Variants in KMT5A observed in about 807,000 individuals in gnomAD.
KMT5A encodes the protein N-lysine methyltransferase KMT5A.
KMT5A carries 6 observed loss-of-function variants against 40.6 expected under a neutral mutation model. The ratio of observed to expected loss-of-function variants is 0.15; its 90% CI spans 0.08 to 0.29. The LOEUF is 0.29. KMT5A is among the 10% of genes least tolerant of loss of function. KMT5A has a pLI of 1.00. For synonymous variants in KMT5A, 153 were observed against 178.8 expected, an observed-to-expected ratio of 0.86 and a Z score of 1.15; for missense variants, 308 against 459.1, an observed-to-expected ratio of 0.67 and a Z score of 3.01.
chr12:123,384,708 CCT>C lies in KMT5A; in HGVS notation c.10+501_10+502del, dbSNP rs1418389181. On this transcript the variant is annotated intron_variant, in intron 1 of 7. Coordinates refer to ENST00000402868, the MANE Select transcript of KMT5A (RefSeq NM_020382.7). This position sits in a 1 kb window ranked among gnomAD's most constrained non-coding sequence, Gnocchi z 5.7. ...AGGCGCCTTTCCTCCCTCCCCACGT[CCT>C]GAGTCAGCTCTGCGCCGCTGGAGCG... Among the ~76,000 whole-genome samples, 1 of 152,270 alleles carries C rather than the reference CCT, an allele frequency of 6.6e-6. No homozygotes were observed. The highest frequency in any genetic ancestry group is 2.4e-5 in the African/African-American group (1 of 41,474).
At chr12:123,397,663 CTTTTT>C (rs63687963) in intron 5 of KMT5A, among the ~76,000 whole-genome samples, 1 of 79,542 alleles carries the variant, frequency 1.3e-5, no homozygotes. Flanking sequence ...TGCTAGGTCA[CTTTTT>C]TTTTTTTTTT....
In KMT5A at chr12:123,408,544, C is replaced by A. The variant is rs1254714375; in HGVS notation, c.*841C>A. On this transcript the variant is annotated 3_prime_UTR_variant, in exon 8 of 8. Coordinates refer to ENST00000402868, the MANE Select transcript of KMT5A (RefSeq NM_020382.7). The stretch of plus-strand genomic sequence containing the variant: ...AAAACAACTTTACATGTATATAGGT[C>A]TTGAAGTGAGTGAAGTGGCTGCTTT... 2.3e-5 allele frequency: 3 copies of A among 130,566 alleles called. No individual in the cohort carries two copies. Among genetic ancestry groups the A allele is most frequent in the Non-Finnish European group, 4.8e-5 (3 of 62,034 alleles). The allele number at this position is 130,566 out of a possible 1,614,324, so 8.1% of individuals were successfully genotyped here.
chr12:123,389,205 C>CG, intron 1 of KMT5A: 23 of 134,274 alleles, frequency 1.7e-4, no homozygotes, highest in Non-Finnish European at 3.3e-4. Flanking sequence ...GGCCCGGCCG[C>CG]GCGGGGGGCG....
At chr12:123,407,040 AAAG>A (rs1878607993) in intron 7 of KMT5A, among the ~76,000 whole-genome samples, 1 of 147,554 alleles carries the variant, frequency 6.8e-6, no homozygotes, top group Non-Finnish European at 1.5e-5. Context: ...AAAAAAAAAA[AAAG>A]CTTTGCAAAT....
intron 3 of KMT5A, among the ~76,000 whole-genome samples, chr12:123,391,961 A>G (rs758550139): frequency 3.9e-5 from 6 of 152,222 alleles, no homozygotes; most frequent in African/African-American, 7.2e-5. Flanking sequence ...TGATCTTCAG[A>G]TGACTTGGGT....
At chr12:123,386,596 A>G (rs181444228) in intron 1 of KMT5A, among the ~76,000 whole-genome samples, 32 of 152,312 alleles carry the variant, frequency 2.1e-4, no homozygotes, top group Admixed American at 8.5e-4. Flanking sequence ...TGGGCTTTGA[A>G]CTTGCAATTC....
chr12:123,385,052 G>T (rs1043572381), intron 1 of KMT5A, among the ~76,000 whole-genome samples: 4 of 151,664 alleles, frequency 2.6e-5, no homozygotes, highest in African/African-American at 7.3e-5. Context: ...AAAAAAAAAA[G>T]TTTTGGTATT....
rs1161134858 is a variant in KMT5A at position 123,408,646 on chromosome 12, T to A, written c.*943T>A. The A allele has an allele frequency of 2.6e-5, 4 of 151,256 alleles. No homozygotes were observed. The highest frequency in any genetic ancestry group is 4.4e-5 in the Non-Finnish European group (3 of 67,774). 9.4% of individuals were successfully genotyped at this position (151,256 alleles called of 1,614,324 possible). A position where few individuals can be genotyped will look rare whatever the true frequency, so the allele number is the denominator to read the frequency against. Reference sequence around the variant, plus strand: ...TGGTACTCTAATCAAAAATAAAGTTTTGTAGTGGGACCAGAAATTACTTAC... The same window carrying A: ...TGGTACTCTAATCAAAAATAAAGTTATGTAGTGGGACCAGAAATTACTTAC... On this transcript the variant is annotated 3_prime_UTR_variant, in exon 8 of 8. Transcript: ENST00000402868.
At position 123,400,891 on chromosome 12, in the gene KMT5A, T is replaced by G. The variant is rs539749094; in HGVS notation, c.598-2682T>G. Among the ~76,000 whole-genome samples the G allele has an allele frequency of 2.6e-5, 4 of 152,160 alleles. No homozygotes were observed. In the East Asian group the frequency reaches 7.7e-4, roughly 29 times the overall value. ...GTACAGTGGCATGATTATGGCTTAC[T>G]AACCTCCGCCTCCTGGCCTGAGACT... is the stretch of plus-strand genomic sequence containing the variant. On this transcript the variant is annotated intron_variant, in intron 5 of 7. Coordinates refer to ENST00000402868, the MANE Select transcript of KMT5A (RefSeq NM_020382.7).
At position 123,384,610 on chromosome 12, in the gene KMT5A, G is replaced by A. The variant is rs911379935; in HGVS notation, c.10+402G>A. Among the ~76,000 whole-genome samples the A allele has an allele frequency of 5.3e-5, 8 of 152,258 alleles. No individual in the cohort carries two copies. Among genetic ancestry groups the A allele is most frequent in the Non-Finnish European group, 1.2e-4 (8 of 68,042 alleles). On this transcript the variant is annotated intron_variant, in intron 1 of 7. Coordinates refer to ENST00000402868, the MANE Select transcript of KMT5A (RefSeq NM_020382.7). The surrounding 1 kb of genome is among the most constrained non-coding windows in gnomAD (Gnocchi z 5.7). ...TTGGGGCCCTCTCTCTTTGGGAAAG[G>A]AGGTGATCCCGAGGCGAAGGCGCAG...
intron 7 of KMT5A, among the ~76,000 whole-genome samples, chr12:123,407,018 CAAA>C (rs56732264): frequency 1.8e-4 from 5 of 28,500 alleles, no homozygotes; most frequent in East Asian, 1.3e-3. Flanking sequence ...GACTCCCTCT[CAAA>C]AAAAAAAAAA....
chr12:123,391,144 T>C (rs1877288357), intron 3 of KMT5A: 1 of 203,824 alleles, frequency 4.9e-6, no homozygotes, highest in African/African-American at 2.3e-5. Context: ...AACTAATGTG[T>C]TCATGTAGGG....
At chr12:123,403,504 A>T in intron 5 of KMT5A, 69 bp from the exon 6 acceptor site, 1 of 1,565,642 alleles carries the variant, frequency 6.4e-7, no homozygotes, top group South Asian at 1.1e-5. Context: ...TCAGGGCTCA[A>T]GACCATCAAG....
chr12:123,406,619 G>C (rs974490625), intron 7 of KMT5A, among the ~76,000 whole-genome samples: 4 of 152,118 alleles, frequency 2.6e-5, no homozygotes, highest in Non-Finnish European at 2.9e-5. Context: ...TGGCGGGGTT[G>C]ATTTTTTTAA....
In KMT5A at chr12:123,405,090, C is replaced by T. The variant is rs201640889; in HGVS notation, c.848+16C>T. ...AAACCTACTGGTGAGTCCACTGTTGCTTAGAGTGGCTTTTCTGTCCTCTGG... is the reference window on the plus strand; with the variant it reads ...AAACCTACTGGTGAGTCCACTGTTGTTTAGAGTGGCTTTTCTGTCCTCTGG... On this transcript the variant is annotated intron_variant, in intron 7 of 7. Coordinates refer to ENST00000402868, the MANE Select transcript of KMT5A (RefSeq NM_020382.7). 9.0e-5 allele frequency: 144 copies of T among 1,594,236 alleles called. 2 individuals are homozygous for T. In the South Asian group the frequency reaches 1.6e-3, roughly 17 times the overall value.
intron 7 of KMT5A, among the ~76,000 whole-genome samples, chr12:123,405,829 T>C (rs1315445412): frequency 6.7e-6 from 1 of 149,900 alleles, no homozygotes; most frequent in Non-Finnish European, 1.5e-5. Flanking sequence ...CCCTTTTTTT[T>C]TTTCTTTTGA....
intron 7 of KMT5A, among the ~76,000 whole-genome samples, chr12:123,405,545 AATCTCG>A (rs1878484937): frequency 5.2e-5 from 3 of 58,232 alleles, no homozygotes; most frequent in African/African-American, 2.1e-4. Flanking sequence ...TTTTTTTTTG[AATCTCG>A]ATCTGTCGCC....
At position 123,405,276 on chromosome 12, in the gene KMT5A, C is replaced by T. The variant is rs867397626; in HGVS notation, c.848+202C>T. On this transcript the variant is annotated intron_variant, in intron 7 of 7. Coordinates refer to ENST00000402868, the MANE Select transcript of KMT5A (RefSeq NM_020382.7). ...TGGTGTGATCTCGGCTCATTGCAAC[C>T]TCCTCTCAGGCTCAAAGAATTCTCC... Among the ~76,000 whole-genome samples the T allele has an allele frequency of 2.2e-4, 34 of 151,184 alleles. 1 individual carries two copies. The highest frequency in any genetic ancestry group is 8.8e-5 in the Non-Finnish European group (6 of 67,806).
At chr12:123,405,515 T>G (rs28396456) in intron 7 of KMT5A, among the ~76,000 whole-genome samples, 1 of 22,706 alleles carries the variant, frequency 4.4e-5, no homozygotes, top group Admixed American at 6.9e-4. Context: ...ATCGCCTGCT[T>G]CCTTTTTTTT....
Sources: gnomAD v4.1 joint callset for allele counts (sites outside exome capture counted in the v4.1 genomes callset) on GRCh38, gnomAD v4.1.1 for gene constraint, Gnocchi (gnomAD v3.1) non-coding constraint, MANE v1.5 for transcripts, NCBI Gene and HGNC (gene_info 2026-07-23, HGNC 2026-07-21) for gene names.